Variants in FAM117B observed in about 807,000 individuals in gnomAD.
The protein encoded by FAM117B is protein FAM117B.
Under a neutral mutation model 52.8 loss-of-function variants are expected in FAM117B, and 22 were observed. The ratio of observed to expected loss-of-function variants is 0.42; its 90% CI spans 0.30 to 0.59. FAM117B has a LOEUF of 0.59. Ranked by LOEUF, FAM117B falls within the 20% of genes least tolerant of loss-of-function variation. The pLI is 0.22. For missense variants in FAM117B, 678 were observed against 802.6 expected (o/e 0.84, Z 1.88); for synonymous variants, 309 against 324.1 (o/e 0.95, Z 0.50).
At chr2:202,764,772 G>A (rs1362072490) in intron 7 of FAM117B, among the ~76,000 whole-genome samples, 5 of 152,122 alleles carry the variant, frequency 3.3e-5, no homozygotes, top group Admixed American at 1.3e-4. Context: ...CTAGGAAAAG[G>A]GAAGGATTTG....
At chr2:202,700,381 A>G (rs572752434) in intron 2 of FAM117B, among the ~76,000 whole-genome samples, 22 of 152,254 alleles carry the variant, frequency 1.4e-4, no homozygotes, top group Non-Finnish European at 2.8e-4. Flanking sequence ...CTTTATTGGC[A>G]ATATGGAAAA....
intron 4 of FAM117B, among the ~76,000 whole-genome samples, chr2:202,730,209 A>G (rs1363782770): frequency 6.6e-6 from 1 of 152,152 alleles, no homozygotes; most frequent in Non-Finnish European, 1.5e-5. Flanking sequence ...ATCAAGGCCC[A>G]GAGAGGTCAG....
At chr2:202,701,858 A>G (rs952181827) in intron 2 of FAM117B, among the ~76,000 whole-genome samples, 16 of 152,250 alleles carry the variant, frequency 1.1e-4, no homozygotes, top group Non-Finnish European at 4.4e-5. Flanking sequence ...TTCTTGAGAT[A>G]GAATCTACTC....
chr2:202,751,665 G>A (rs989896950), intron 4 of FAM117B, among the ~76,000 whole-genome samples: 7 of 151,146 alleles, frequency 4.6e-5, no homozygotes, highest in South Asian at 2.1e-4. Context: ...CCAGCTACTC[G>A]GGAGGCTGAG....
At chr2:202,730,987 A>G (rs1411618441) in intron 4 of FAM117B, among the ~76,000 whole-genome samples, 1 of 152,144 alleles carries the variant, frequency 6.6e-6, no homozygotes, top group Non-Finnish European at 1.5e-5. Context: ...CCCACAAATC[A>G]TATATCTGAT....
chr2:202,753,340 C>T (rs1379302846), intron 4 of FAM117B, among the ~76,000 whole-genome samples: 1 of 152,218 alleles, frequency 6.6e-6, no homozygotes, highest in Non-Finnish European at 1.5e-5. Context: ...AACTGGACCT[C>T]TTCCTTATAC....
intron 4 of FAM117B, among the ~76,000 whole-genome samples, chr2:202,746,152 CAT>C (rs1268942100): frequency 6.6e-6 from 1 of 152,122 alleles, no homozygotes; most frequent in Non-Finnish European, 1.5e-5. Context: ...TACACATACA[CAT>C]ATCAGCACAT....
At chr2:202,713,399 TTTA>T (rs1475958759) in intron 2 of FAM117B, among the ~76,000 whole-genome samples, 1 of 152,198 alleles carries the variant, frequency 6.6e-6, no homozygotes, top group East Asian at 1.9e-4. Context: ...TCTGATTTTA[TTTA>T]TTTAGATCTC....
At chr2:202,636,651 T>A (rs1207313450) in intron 1 of FAM117B, among the ~76,000 whole-genome samples, 2 of 152,222 alleles carry the variant, frequency 1.3e-5, no homozygotes, top group African/African-American at 4.8e-5. Flanking sequence ...AAATTTATAA[T>A]CTTGTTGCCT....
chr2:202,650,747 G>GT (rs1689943346), intron 1 of FAM117B, among the ~76,000 whole-genome samples: 1 of 152,134 alleles, frequency 6.6e-6, no homozygotes, highest in African/African-American at 2.4e-5. Context: ...GGAGTGAGAT[G>GT]TTTAAGGGCA....
intron 2 of FAM117B, 129 bp downstream of exon 2, chr2:202,696,161 AAG>A: frequency 9.7e-7 from 1 of 1,030,454 alleles, no homozygotes; most frequent in South Asian, 2.5e-5. Flanking sequence ...ACTTACCAAA[AAG>A]AGCAGATTCC....
chr2:202,654,665 CTTTTT>C (rs753974102), intron 1 of FAM117B, among the ~76,000 whole-genome samples: 1 of 137,424 alleles, frequency 7.3e-6, no homozygotes, highest in Non-Finnish European at 1.6e-5. Context: ...CCTTTGTAAT[CTTTTT>C]TTTTTTTTTG....
chr2:202,681,006 T>C (rs1690456470), intron 1 of FAM117B, among the ~76,000 whole-genome samples: 1 of 152,170 alleles, frequency 6.6e-6, no homozygotes, highest in South Asian at 2.1e-4. Flanking sequence ...ATATAGACAT[T>C]ATACAATGTC....
intron 1 of FAM117B, among the ~76,000 whole-genome samples, chr2:202,666,961 A>G (rs1690215214): frequency 2.6e-5 from 4 of 151,912 alleles, no homozygotes; most frequent in Admixed American, 6.6e-5. Flanking sequence ...TTTCATTTCT[A>G]TAATAAAAAT....
At chr2:202,680,576 G>GA (rs533471750) in intron 1 of FAM117B, among the ~76,000 whole-genome samples, 65 of 151,604 alleles carry the variant, frequency 4.3e-4, no homozygotes, top group African/African-American at 1.5e-3. Flanking sequence ...GTGATAAAGA[G>GA]AAAAAAAGTT....
rs1239571957 is a variant in FAM117B, at chr2:202,769,533, A to G, written c.*3769A>G. 1 of 152,574 alleles carries G rather than the reference A, an allele frequency of 6.6e-6. No homozygotes were observed. Among genetic ancestry groups the G allele is most frequent in the East Asian group, 1.9e-4 (1 of 5,192 alleles). 9.5% of individuals were successfully genotyped at this position (152,574 alleles called of 1,614,324 possible). On this transcript the variant is annotated 3_prime_UTR_variant, in exon 8 of 8. Transcript: ENST00000392238. ...TTTATACAGTCTTGTTTAAGAATAGAATTTTTTTAACTCTTCATTTTTTGT... is the reference window on the plus strand; with the variant it reads ...TTTATACAGTCTTGTTTAAGAATAGGATTTTTTTAACTCTTCATTTTTTGT...
rs568600149 is a variant in FAM117B at position 202,646,985 on chromosome 2, T to G, written c.601+11197T>G. Among the ~76,000 whole-genome samples the G allele has an allele frequency of 7.2e-5, 11 of 152,280 alleles. No homozygotes were observed. The South Asian group carries it at 8.3e-4, about 11-fold the overall frequency. ...CATGTTATTTTTAACTAACTTTTTT[T>G]GGGGGAAAATGTGCAGTTAAGCTTA... On this transcript the variant is annotated intron_variant, in intron 1 of 7. Coordinates refer to ENST00000392238, the MANE Select transcript of FAM117B (RefSeq NM_173511.4).
At chr2:202,726,972 A>G (rs890166873) in intron 4 of FAM117B, among the ~76,000 whole-genome samples, 5 of 152,196 alleles carry the variant, frequency 3.3e-5, no homozygotes, top group African/African-American at 1.2e-4. Context: ...TGTCTCATAG[A>G]AGTCTTTTGA....
At chr2:202,677,525 T>C (rs1690397841) in intron 1 of FAM117B, among the ~76,000 whole-genome samples, 2 of 152,346 alleles carry the variant, frequency 1.3e-5, no homozygotes, top group Non-Finnish European at 2.9e-5. Context: ...TAATTTTTTG[T>C]ATTTCTCGCT....
Sources: gnomAD v4.1 joint callset for allele counts (sites outside exome capture counted in the v4.1 genomes callset) on GRCh38, gnomAD v4.1.1 for gene constraint, MANE v1.5 for transcripts, NCBI Gene and HGNC (gene_info 2026-07-23, HGNC 2026-07-21) for gene names.